The following ELAVL2 variants were observed in gnomAD, a reference collection of about 807,000 sequenced individuals.
ELAVL2 encodes ELAV like RNA binding protein 2.
Under a neutral mutation model 34.6 loss-of-function variants are expected in ELAVL2, and 4 were observed. That is an observed-to-expected ratio of 0.12 (90% confidence interval 0.06 to 0.26). The LOEUF (loss-of-function observed/expected upper bound fraction) is 0.26, where lower values mean the gene tolerates loss of function less well. Ranked by LOEUF, ELAVL2 falls within the 10% of genes least tolerant of loss-of-function variation. ELAVL2 has a pLI of 1.00. For missense variants in ELAVL2, 432 were observed against 442.8 expected, an observed-to-expected ratio of 0.98 and a Z score of 0.22; for synonymous variants, 193 against 154.8, an observed-to-expected ratio of 1.25 and a Z score of -1.83.
At chr9:23,697,562 A>G (rs2132933269) in intron 5 of ELAVL2, among the ~76,000 whole-genome samples, 1 of 152,328 alleles carries the variant, frequency 6.6e-6, no homozygotes, top group South Asian at 2.1e-4. Context: ...AATTTATGAA[A>G]AAGGCACATA....
intron 3 of ELAVL2, among the ~76,000 whole-genome samples, chr9:23,717,828 GCTAA>G (rs2042700893): frequency 6.6e-6 from 1 of 152,084 alleles, no homozygotes; most frequent in Admixed American, 6.5e-5. Context: ...ATTTAGCAAA[GCTAA>G]CTAGCCCACA....
chr9:23,704,759 T>C (rs2038749893), intron 4 of ELAVL2, among the ~76,000 whole-genome samples, 159 bp downstream of exon 4: 1 of 152,170 alleles, frequency 6.6e-6, no homozygotes, highest in Admixed American at 6.5e-5. Flanking sequence ...TTTTTATCCA[T>C]GCATATTTAT....
At chr9:23,723,451 T>C (rs536963659) in intron 3 of ELAVL2, among the ~76,000 whole-genome samples, 1 of 151,922 alleles carries the variant, frequency 6.6e-6, no homozygotes, top group African/African-American at 2.4e-5. Flanking sequence ...CATTAGGAGA[T>C]ATACCTAATG....
chr9:23,740,447 A>C (rs57390285), intron 2 of ELAVL2, among the ~76,000 whole-genome samples: 10,417 of 152,226 alleles, frequency 0.068, 647 homozygotes, highest in East Asian at 0.35. Flanking sequence ...TCAGTCTTTC[A>C]AAAGTGTACA....
chr9:23,754,192 T>C (rs190845326), intron 2 of ELAVL2, among the ~76,000 whole-genome samples: 33 of 152,230 alleles, frequency 2.2e-4, no homozygotes, highest in Admixed American at 2.2e-3. Context: ...AACACAAATA[T>C]CAATATCAGG....
intron 1 of ELAVL2, among the ~76,000 whole-genome samples, chr9:23,776,344 G>A (rs373795871): frequency 6.6e-6 from 1 of 152,178 alleles, no homozygotes; most frequent in East Asian, 1.9e-4. Context: ...GAGGAACCAG[G>A]GACAGGTGTG....
intron 2 of ELAVL2, among the ~76,000 whole-genome samples, chr9:23,755,073 T>C (rs917923699): frequency 1.3e-5 from 2 of 152,148 alleles, no homozygotes; most frequent in African/African-American, 2.4e-5. Flanking sequence ...TTTCCTTTGT[T>C]AAAATGGTAT....
At chr9:23,833,712 C>T in the ELAVL2 span, among the ~76,000 whole-genome samples, 17,751 of 151,436 alleles carry the variant, frequency 0.12, 1,448 homozygotes, top group East Asian at 0.36. Flanking sequence ...AAAAAATAAC[C>T]AAAAATGTGA....
intron 1 of ELAVL2, among the ~76,000 whole-genome samples, chr9:23,781,500 G>C (rs889905196): frequency 6.7e-6 from 1 of 148,352 alleles, no homozygotes; most frequent in Non-Finnish European, 1.5e-5. Flanking sequence ...TTTAAGAAAA[G>C]TTTCTTTTTT....
intron 2 of ELAVL2, among the ~76,000 whole-genome samples, chr9:23,743,487 G>A (rs1024658613): frequency 9.2e-5 from 14 of 152,246 alleles, no homozygotes; most frequent in Middle Eastern, 6.8e-3. Flanking sequence ...ATCCACATCA[G>A]CATGGTATAG....
intron 3 of ELAVL2, among the ~76,000 whole-genome samples, chr9:23,729,315 CA>C (rs2045984926): frequency 6.6e-6 from 1 of 152,068 alleles, no homozygotes; most frequent in Non-Finnish European, 1.5e-5. Context: ...AGAACTAGGA[CA>C]AATTAGCAGC....
chr9:23,761,168 A>C (rs1178881684), intron 2 of ELAVL2, among the ~76,000 whole-genome samples: 2 of 152,092 alleles, frequency 1.3e-5, no homozygotes, highest in African/African-American at 4.8e-5. Context: ...TTTGTAAAGC[A>C]ATTTGGTATA....
rs1337777838 is a variant in ELAVL2 at position 23,690,214 on chromosome 9, A to G, written c.*2343T>C. 1 of 152,626 alleles carries G rather than the reference A, an allele frequency of 6.6e-6. No homozygotes were observed. Among genetic ancestry groups the G allele is most frequent in the Admixed American group, 6.5e-5 (1 of 15,272 alleles). 9.5% of individuals were successfully genotyped at this position (152,626 alleles called of 1,614,324 possible). On this transcript the variant is annotated 3_prime_UTR_variant, in exon 7 of 7. Transcript: ENST00000397312. ...AAATACTCAACAGAATATATTTTCT[A>G]TTCCAACAGATGTGAATTAAGTCAT...
intron 2 of ELAVL2, among the ~76,000 whole-genome samples, chr9:23,745,364 C>T (rs2050237154): frequency 6.6e-6 from 1 of 152,088 alleles, no homozygotes; most frequent in African/African-American, 2.4e-5. Context: ...TTATCTTGGC[C>T]AGGTCATTCC....
chr9:23,783,245 T>C (rs1173625139), intron 1 of ELAVL2, among the ~76,000 whole-genome samples: 1 of 152,148 alleles, frequency 6.6e-6, no homozygotes, highest in Non-Finnish European at 1.5e-5. Context: ...ACTTTAGTCC[T>C]CCAAATTAAA....
chr9:23,843,879 C>T, the ELAVL2 span, among the ~76,000 whole-genome samples: 2 of 152,034 alleles, frequency 1.3e-5, no homozygotes, highest in African/African-American at 4.8e-5. Context: ...AAAGGCTTTC[C>T]CGGCTGTGCA....
chr9:23,722,272 C>G (rs1278326986), intron 3 of ELAVL2, among the ~76,000 whole-genome samples: 1 of 152,156 alleles, frequency 6.6e-6, no homozygotes, highest in Non-Finnish European at 1.5e-5. Flanking sequence ...TTACATGAAC[C>G]TACCAGAAAA....
intron 1 of ELAVL2, among the ~76,000 whole-genome samples, chr9:23,800,699 A>C (rs1034790502): frequency 3.1e-4 from 47 of 152,324 alleles, no homozygotes; most frequent in African/African-American, 9.6e-4. Flanking sequence ...AAAATTAGAA[A>C]ATTTGACTTA....
intron 1 of ELAVL2, among the ~76,000 whole-genome samples, chr9:23,766,273 A>G (rs773440713): frequency 6.6e-6 from 1 of 152,124 alleles, no homozygotes; most frequent in Non-Finnish European, 1.5e-5. Context: ...CTGTAACAAG[A>G]GATTTTGGTC....
Sources: gnomAD v4.1 joint callset for allele counts (sites outside exome capture counted in the v4.1 genomes callset) on GRCh38, gnomAD v4.1.1 for gene constraint, MANE v1.5 for transcripts, NCBI Gene and HGNC (gene_info 2026-07-23, HGNC 2026-07-21) for gene names.